The following WDPCP variants were observed in gnomAD, a reference collection of about 807,000 sequenced individuals.
The protein encoded by WDPCP is WD repeat containing planar cell polarity effector, also known as WD repeat-containing and planar cell polarity effector protein fritz homolog.
Under a neutral mutation model 93.1 loss-of-function variants are expected in WDPCP, and 71 were observed. The observed-to-expected ratio is 0.76, with a 90% CI of 0.63 to 0.93. The LOEUF is 0.93. WDPCP is among the 40% of genes least tolerant of loss of function. The pLI is 0.00. For synonymous variants in WDPCP, 315 were observed against 315.0 expected (o/e 1.00, Z 0.00); for missense variants, 844 against 887.4 (o/e 0.95, Z 0.62).
intron 14 of WDPCP, among the ~76,000 whole-genome samples, chr2:63,197,025 A>AGAAAT (rs762142326): frequency 1.3e-5 from 2 of 152,322 alleles, no homozygotes; most frequent in East Asian, 3.9e-4. Context: ...GAAATGAAAA[A>AGAAAT]GAAATAAACA....
intron 2 of WDPCP, among the ~76,000 whole-genome samples, chr2:63,675,341 C>A (rs941770931): frequency 2.0e-4 from 31 of 152,170 alleles, no homozygotes; most frequent in African/African-American, 6.8e-4. Context: ...TCCCTCAAAG[C>A]TCTCTGGGTG....
At chr2:63,376,090 G>A (rs1012663868) in intron 12 of WDPCP, among the ~76,000 whole-genome samples, 1 of 151,946 alleles carries the variant, frequency 6.6e-6, no homozygotes, top group African/African-American at 2.4e-5. Flanking sequence ...CCCTGAGCAT[G>A]AGAACTTCTT....
intron 14 of WDPCP, among the ~76,000 whole-genome samples, chr2:63,213,805 A>C (rs1321526168): frequency 1.3e-5 from 2 of 152,220 alleles, no homozygotes; most frequent in African/African-American, 4.8e-5. Context: ...CACCGATCCC[A>C]CAGAGATACA....
At chr2:63,266,772 C>T (rs1682161625) in intron 13 of WDPCP, among the ~76,000 whole-genome samples, 1 of 152,138 alleles carries the variant, frequency 6.6e-6, no homozygotes, top group Non-Finnish European at 1.5e-5. Flanking sequence ...CTCCACTGCA[C>T]TCTAGCCTGG....
intron 14 of WDPCP, among the ~76,000 whole-genome samples, chr2:63,221,510 T>C (rs548791834): frequency 3.9e-5 from 6 of 152,322 alleles, no homozygotes; most frequent in South Asian, 2.1e-4. Context: ...TGAGAGGACA[T>C]GTTTGTTATA....
chr2:63,164,020 G>A (rs1055413637), intron 15 of WDPCP, among the ~76,000 whole-genome samples: 2 of 152,142 alleles, frequency 1.3e-5, no homozygotes, highest in East Asian at 1.9e-4. Flanking sequence ...AAACCAACCA[G>A]TATTGTAGTT....
At chr2:63,267,835 G>A (rs970154196) in intron 13 of WDPCP, among the ~76,000 whole-genome samples, 2 of 152,154 alleles carry the variant, frequency 1.3e-5, no homozygotes, top group African/African-American at 4.8e-5. Flanking sequence ...ACAAGTGTTG[G>A]TGAGGATATG....
intron 12 of WDPCP, among the ~76,000 whole-genome samples, chr2:63,330,085 T>C (rs930470888): frequency 6.6e-6 from 1 of 152,204 alleles, no homozygotes; most frequent in Middle Eastern, 3.2e-3. Context: ...ACTGATTTCA[T>C]TTCCTTTTGA....
At chr2:63,404,002 A>C in intron 10 of WDPCP, 46 bp downstream of exon 10, 2 of 1,611,396 alleles carry the variant, frequency 1.2e-6, no homozygotes, top group Non-Finnish European at 1.7e-6. Flanking sequence ...TTATGTCACT[A>C]TCCTAAACAT....
At chr2:63,728,672 T>A (rs1282264838) in intron 2 of WDPCP, among the ~76,000 whole-genome samples, 1 of 152,204 alleles carries the variant, frequency 6.6e-6, no homozygotes, top group Non-Finnish European at 1.5e-5. Flanking sequence ...GTTATCCCAC[T>A]GCAAGTTGAA....
At chr2:63,584,276 T>A (rs1490679816) in intron 1 of WDPCP, among the ~76,000 whole-genome samples, 1 of 152,176 alleles carries the variant, frequency 6.6e-6, no homozygotes, top group African/African-American at 2.4e-5. Flanking sequence ...GCAACCACTA[T>A]CCTGAATTCT....
At chr2:63,444,196 C>T (rs901050654) in intron 6 of WDPCP, among the ~76,000 whole-genome samples, 2 of 152,102 alleles carry the variant, frequency 1.3e-5, no homozygotes, top group East Asian at 3.9e-4. Flanking sequence ...CTTATTGAAC[C>T]TGAGTTTGGA....
intron 3 of WDPCP, among the ~76,000 whole-genome samples, chr2:63,608,085 T>G (rs936359020): frequency 1.3e-5 from 2 of 152,144 alleles, no homozygotes; most frequent in Non-Finnish European, 2.9e-5. Flanking sequence ...GGTTTACGCT[T>G]TGTAGATAAT....
At chr2:63,265,939 A>G (rs1413526470) in intron 13 of WDPCP, among the ~76,000 whole-genome samples, 1 of 152,230 alleles carries the variant, frequency 6.6e-6, no homozygotes, top group Non-Finnish European at 1.5e-5. Flanking sequence ...AGATGCAGAA[A>G]AAGCACCTGA....
At chr2:63,573,218 G>A (rs1434451108) in intron 1 of WDPCP, among the ~76,000 whole-genome samples, 1 of 150,644 alleles carries the variant, frequency 6.6e-6, no homozygotes, top group African/African-American at 2.4e-5. Flanking sequence ...ACTTTAGCCT[G>A]AGCAACAGAG....
intron 2 of WDPCP, among the ~76,000 whole-genome samples, chr2:63,682,714 G>T (rs1668738204): frequency 1.3e-5 from 2 of 151,898 alleles, no homozygotes; most frequent in South Asian, 4.2e-4. Flanking sequence ...GCAGATTTAA[G>T]AACCTCAAGG....
At chr2:63,627,480 G>C (rs1290439998) in intron 3 of WDPCP, among the ~76,000 whole-genome samples, 1 of 152,208 alleles carries the variant, frequency 6.6e-6, no homozygotes, top group African/African-American at 2.4e-5. Context: ...CCCAAAGTGA[G>C]AACATGCATT....
intron 15 of WDPCP, among the ~76,000 whole-genome samples, chr2:63,173,185 G>A (rs890400314): frequency 7.3e-5 from 11 of 151,492 alleles, no homozygotes; most frequent in Non-Finnish European, 1.6e-4. Flanking sequence ...GGAGAGTCGC[G>A]TGAACCCAGG....
intron 2 of WDPCP, among the ~76,000 whole-genome samples, chr2:63,678,395 A>C (rs1710449441): frequency 6.6e-6 from 1 of 152,222 alleles, no homozygotes; most frequent in Admixed American, 6.5e-5. Context: ...AGGGCACCCC[A>C]ATTGCAAAAG....
Sources: gnomAD v4.1 joint callset for allele counts (sites outside exome capture counted in the v4.1 genomes callset) on GRCh38, gnomAD v4.1.1 for gene constraint, MANE v1.5 for transcripts, NCBI Gene and HGNC (gene_info 2026-07-23, HGNC 2026-07-21) for gene names.